ROCK2: variants seen among roughly 807,000 people sequenced by gnomAD.
ROCK2 encodes the protein Rho associated coiled-coil containing protein kinase 2.
In ROCK2, 61 loss-of-function variants were observed where a neutral mutation model predicts 195.1. The observed-to-expected ratio is 0.31, with a 90% CI of 0.25 to 0.39. ROCK2 has a LOEUF of 0.39. ROCK2 is among the 10% of genes least tolerant of loss of function. The probability of loss-of-function intolerance (pLI) is 1.00; values close to 1 mark genes in which losing one functional copy is unlikely to be tolerated. For synonymous variants in ROCK2, 504 were observed against 545.5 expected, an observed-to-expected ratio of 0.92 and a Z score of 1.06; for missense variants, 1,109 against 1,637.4, an observed-to-expected ratio of 0.68 and a Z score of 5.57.
chr2:11,222,029 AC>A lies in ROCK2; in HGVS notation c.1099+53del, dbSNP rs1281749197. 318 of 1,025,352 alleles carry A rather than the reference AC, an allele frequency of 3.1e-4. 2 individuals carry two copies. The highest frequency in any genetic ancestry group is 3.1e-3 in the Middle Eastern group (15 of 4,840). 63.5% of individuals were successfully genotyped at this position (1,025,352 alleles called of 1,614,324 possible). A position where few individuals can be genotyped will look rare whatever the true frequency, so the allele number is the denominator to read the frequency against. On this transcript the variant is annotated intron_variant, in intron 8 of 32. Transcript: ENST00000315872. ...GCTTGTTATTTCAAAAAAGGAATCA[AC>A]TTATGAGTTTCAGAATGTGATGGAA...
chr2:11,193,842 G>A lies in ROCK2; in HGVS notation c.3624C>T (p.Val1208=), dbSNP rs1663524908. Residue 1208 remains valine (V), a synonymous_variant, in exon 30 of 33, where the codon GTC becomes GTT. Transcript: ENST00000315872. ...MVLDIDKLFH[V]RPVTQTDVYR... is the part of the protein sequence containing the mutation. ...ACACATCTGTCTGTGTAACTGGTCG[G>A]ACATGAAATAACTTGCTATAAAAAA... is the stretch of plus-strand genomic sequence containing the variant. 6.3e-7 allele frequency: 1 copy of A among 1,595,402 alleles called. No individual in the cohort carries two copies. Among genetic ancestry groups the A allele is most frequent in the Non-Finnish European group, 8.6e-7 (1 of 1,168,766 alleles).
At chr2:11,276,908 C>T (rs1047660952) in intron 3 of ROCK2, among the ~76,000 whole-genome samples, 1 of 152,008 alleles carries the variant, frequency 6.6e-6, no homozygotes, top group Admixed American at 6.5e-5. Context: ...AAGTGGTATG[C>T]TGTGATTTGA....
At chr2:11,296,015 A>AGGG (rs1558369990) in intron 1 of ROCK2, among the ~76,000 whole-genome samples, 12 of 80,078 alleles carry the variant, frequency 1.5e-4, no homozygotes, top group African/African-American at 4.6e-4. Flanking sequence ...GGAGAGAGAG[A>AGGG]GAGAGAGAGA....
At chr2:11,188,301 G>A (rs537541862) in intron 32 of ROCK2, among the ~76,000 whole-genome samples, 108 of 151,832 alleles carry the variant, frequency 7.1e-4, no homozygotes, top group Admixed American at 1.8e-3. Context: ...GTAGAGATGG[G>A]GTTTCACCAT....
At chr2:11,221,992 G>T in intron 8 of ROCK2, 91 bp downstream of exon 8, 2 of 753,348 alleles carry the variant, frequency 2.7e-6, no homozygotes, top group Non-Finnish European at 4.6e-6. Flanking sequence ...AGCATTAAGT[G>T]TTATCAAATA....
intron 4 of ROCK2, among the ~76,000 whole-genome samples, chr2:11,238,328 G>A (rs1429023344): frequency 6.6e-6 from 1 of 151,256 alleles, no homozygotes. Flanking sequence ...TACACGGATT[G>A]GAAGAATCAA....
At chr2:11,325,307 G>A (rs1668514303) in intron 1 of ROCK2, among the ~76,000 whole-genome samples, 1 of 152,188 alleles carries the variant, frequency 6.6e-6, no homozygotes, top group Non-Finnish European at 1.5e-5. Context: ...ATCCACAGGG[G>A]TCTTGGGGTC....
At chr2:11,280,010 T>C (rs914859711) in intron 3 of ROCK2, among the ~76,000 whole-genome samples, 2 of 152,136 alleles carry the variant, frequency 1.3e-5, no homozygotes, top group Non-Finnish European at 2.9e-5. Context: ...CTTTTCAAAA[T>C]TGGTGGGATA....
intron 3 of ROCK2, among the ~76,000 whole-genome samples, chr2:11,269,746 G>T (rs963986993): frequency 1.3e-5 from 2 of 151,956 alleles, no homozygotes; most frequent in African/African-American, 4.8e-5. Context: ...CCCATCATTT[G>T]TGTTTGTGTG....
intron 1 of ROCK2, among the ~76,000 whole-genome samples, chr2:11,326,109 G>C (rs1046571308): frequency 2.0e-5 from 3 of 152,180 alleles, no homozygotes; most frequent in African/African-American, 7.2e-5. Context: ...TGCCCAGTAG[G>C]TAGCTGGATA....
chr2:11,329,540 T>A (rs1403029262), intron 1 of ROCK2, among the ~76,000 whole-genome samples: 1 of 152,066 alleles, frequency 6.6e-6, no homozygotes, highest in Non-Finnish European at 1.5e-5. Context: ...AGAAGAAAAT[T>A]TTACAAGCCA....
rs199827590 is a variant in ROCK2 at position 11,198,443 on chromosome 2, T to G, written c.3099+48A>C. 3.4e-5 allele frequency: 44 copies of G among 1,298,840 alleles called. No individual in the cohort carries two copies. The African/African-American group carries it at 3.5e-4, about 10-fold the overall frequency. The allele number at this position is 1,298,840 out of a possible 1,614,324, so 80.5% of individuals were successfully genotyped here. On this transcript the variant is annotated intron_variant, in intron 25 of 32. Coordinates refer to ENST00000315872, the MANE Select transcript of ROCK2 (RefSeq NM_004850.5). ...TGCTAGAAGTAAAATGTAAAAGAGA[T>G]AAACTGAGACAAAATTCAAAATCAT...
At chr2:11,310,223 G>A (rs1198069395) in intron 1 of ROCK2, among the ~76,000 whole-genome samples, 1 of 152,036 alleles carries the variant, frequency 6.6e-6, no homozygotes, top group African/African-American at 2.4e-5. Context: ...TTTAAGGGAA[G>A]TAGCTTGACT....
chr2:11,319,388 T>A (rs572937761), intron 1 of ROCK2, among the ~76,000 whole-genome samples: 3 of 152,346 alleles, frequency 2.0e-5, no homozygotes, highest in Admixed American at 6.5e-5. Flanking sequence ...AATTCACTCA[T>A]GATTTGGCTC....
At chr2:11,301,797 AT>A (rs1292364153) in intron 1 of ROCK2, among the ~76,000 whole-genome samples, 2 of 134,696 alleles carry the variant, frequency 1.5e-5, no homozygotes, top group African/African-American at 5.3e-5. Flanking sequence ...AAAAAAAAAA[AT>A]CTTACCTACT....
chr2:11,254,156 A>T (rs577365653), intron 3 of ROCK2, among the ~76,000 whole-genome samples: 130 of 152,338 alleles, frequency 8.5e-4, no homozygotes, highest in African/African-American at 2.9e-3. Context: ...AGTAATTGGT[A>T]CCAGCTAGCC....
intron 1 of ROCK2, among the ~76,000 whole-genome samples, chr2:11,340,955 G>A (rs1669085343): frequency 6.6e-6 from 1 of 152,088 alleles, no homozygotes; most frequent in Admixed American, 6.5e-5. Context: ...CTTCAGCAAA[G>A]CCTGAAACAC....
At chr2:11,196,855 T>C (rs1245664011) in intron 27 of ROCK2, among the ~76,000 whole-genome samples, 4 of 151,856 alleles carry the variant, frequency 2.6e-5, no homozygotes, top group Non-Finnish European at 5.9e-5. Flanking sequence ...TGTGACTGAG[T>C]GATATGAACT....
chr2:11,328,155 C>T (rs1411200648), intron 1 of ROCK2, among the ~76,000 whole-genome samples: 1 of 152,178 alleles, frequency 6.6e-6, no homozygotes, highest in Non-Finnish European at 1.5e-5. Context: ...AAGACTTTGT[C>T]TTACTATTCT....
Sources: gnomAD v4.1 joint callset for allele counts (sites outside exome capture counted in the v4.1 genomes callset) on GRCh38, gnomAD v4.1.1 for gene constraint, MANE v1.5 for transcripts, NCBI Gene and HGNC (gene_info 2026-07-23, HGNC 2026-07-21) for gene names.